The following NEDD9 variants were observed in gnomAD, a reference collection of about 807,000 sequenced individuals.
NEDD9 encodes neural precursor cell expressed, developmentally down-regulated 9, also known as enhancer of filamentation 1.
A neutral mutation model predicts 76.6 loss-of-function variants in NEDD9; 26 were observed. The ratio of observed to expected loss-of-function variants is 0.34; its 90% confidence interval spans 0.25 to 0.47. The LOEUF (loss-of-function observed/expected upper bound fraction) is 0.47. Ranked by LOEUF, NEDD9 falls within the 20% of genes least tolerant of loss-of-function variation. NEDD9 has a pLI of 1.00. For missense variants in NEDD9, 937 were observed against 1,058.5 expected (o/e 0.89, Z 1.59); for synonymous variants, 392 against 414.2 (o/e 0.95, Z 0.65).
At chr6:11,210,940 AGGGAAGG>A (rs1758771845) in intron 2 of NEDD9, among the ~76,000 whole-genome samples, 2 of 152,160 alleles carry the variant, frequency 1.3e-5, no homozygotes, top group African/African-American at 4.8e-5. Flanking sequence ...GGTATTTGGC[AGGGAAGG>A]TGCCAGGGCC....
chr6:11,251,170 G>C (rs1193158529), intron 3 of NEDD9: 1 of 152,184 alleles, frequency 6.6e-6, no homozygotes, highest in Non-Finnish European at 1.5e-5. Flanking sequence ...ACATGGAAAA[G>C]TCAATTCAAA....
chr6:11,330,942 A>G (rs933690603), intron 2 of NEDD9, among the ~76,000 whole-genome samples: 1 of 152,158 alleles, frequency 6.6e-6, no homozygotes, highest in African/African-American at 2.4e-5. Flanking sequence ...TTGTTTATCT[A>G]GTCTATTGTG....
At chr6:11,280,042 A>G (rs1371919817) in intron 3 of NEDD9, among the ~76,000 whole-genome samples, 2 of 152,142 alleles carry the variant, frequency 1.3e-5, no homozygotes, top group African/African-American at 4.8e-5. Flanking sequence ...GGGCCAGATC[A>G]TTCTTCATGG....
intron 2 of NEDD9, among the ~76,000 whole-genome samples, chr6:11,319,659 CACTA>C (rs1021169078): frequency 2.7e-5 from 4 of 146,836 alleles, no homozygotes; most frequent in African/African-American, 1.0e-4. Context: ...ACATGCCACA[CACTA>C]ACATGCACAC....
chr6:11,306,158 G>T, intron 2 of NEDD9: 1 of 837,762 alleles, frequency 1.2e-6, no homozygotes, highest in Non-Finnish European at 2.0e-6. Context: ...TACTGAATCT[G>T]AAAACAGGAG....
Position 11,241,087 on chromosome 6 carries a change from G to A in NEDD9, c.13-27360C>T, listed in dbSNP as rs1759700147. 6.6e-6 allele frequency among the ~76,000 whole-genome samples: 1 copy of A among 152,192 alleles called. No homozygotes were observed. Among genetic ancestry groups the A allele is most frequent in the Non-Finnish European group, 1.5e-5 (1 of 68,034 alleles). ...TTTCTGCTGATAGAAACTTCACACT[G>A]TGGATTTTTACAAAGGTTGAAGTGA... is the stretch of plus-strand genomic sequence containing the variant. On this transcript the variant is annotated intron_variant, in intron 3 of 3. Transcript: ENST00000397378. This position sits in a 1 kb window ranked among gnomAD's most constrained non-coding sequence, Gnocchi z 4.0.
chr6:11,255,432 T>C (rs375432350), intron 3 of NEDD9, among the ~76,000 whole-genome samples: 1 of 152,186 alleles, frequency 6.6e-6, no homozygotes, highest in South Asian at 2.1e-4. Flanking sequence ...TGAGGCATGA[T>C]CTGGTGAGGG....
chr6:11,330,328 A>G (rs1762009839), intron 2 of NEDD9, among the ~76,000 whole-genome samples: 2 of 152,136 alleles, frequency 1.3e-5, no homozygotes, highest in Admixed American at 1.3e-4. Flanking sequence ...GAAGACCTTT[A>G]ACTTGTAAAG....
intron 2 of NEDD9, among the ~76,000 whole-genome samples, chr6:11,315,673 G>A (rs1482879406): frequency 6.6e-6 from 1 of 152,092 alleles, no homozygotes. Context: ...TCACTGGAGG[G>A]GATTGGCTTA....
intron 3 of NEDD9, among the ~76,000 whole-genome samples, chr6:11,254,997 C>T (rs1409507413): frequency 6.6e-6 from 1 of 152,202 alleles, no homozygotes. Flanking sequence ...TCAAGGAGTT[C>T]AGAGCCCCAA....
intron 2 of NEDD9, among the ~76,000 whole-genome samples, chr6:11,307,226 T>C: frequency 6.6e-6 from 1 of 152,164 alleles, no homozygotes; most frequent in East Asian, 1.9e-4. Context: ...CTCCTAGAAC[T>C]CCTTTCCAAA....
chr6:11,321,416 C>T (rs545770659), intron 2 of NEDD9, among the ~76,000 whole-genome samples: 4 of 152,286 alleles, frequency 2.6e-5, no homozygotes, highest in Non-Finnish European at 4.4e-5. Flanking sequence ...TTCAAAATGC[C>T]GTGAGCCCAG....
At chr6:11,307,489 C>T (rs912065868) in intron 2 of NEDD9, among the ~76,000 whole-genome samples, 2 of 152,248 alleles carry the variant, frequency 1.3e-5, no homozygotes, top group South Asian at 2.1e-4. Context: ...AGATTTACTG[C>T]GTTTCCAGCG....
At chr6:11,200,988 C>T (rs201387283) in intron 2 of NEDD9, 1 of 1,614,218 alleles carries the variant, frequency 6.2e-7, no homozygotes, top group Non-Finnish European at 8.5e-7. Flanking sequence ...GGTTCACAAG[C>T]TGGTTTGTTT....
At chr6:11,196,192 T>C (rs9380135) in intron 2 of NEDD9, among the ~76,000 whole-genome samples, 47,417 of 151,612 alleles carry the variant, frequency 0.31, 7,657 homozygotes, top group Middle Eastern at 0.42. Context: ...TAGTCCCAGC[T>C]ACTTGGGAGG....
intron 6 of NEDD9, among the ~76,000 whole-genome samples, chr6:11,187,293 AG>A: frequency 6.6e-6 from 1 of 152,330 alleles, no homozygotes; most frequent in Non-Finnish European, 1.5e-5. Context: ...TCATCTTAAA[AG>A]GCTTGTAAAT....
chr6:11,368,784 T>C (rs899316254), intron 1 of NEDD9, among the ~76,000 whole-genome samples: 1 of 152,236 alleles, frequency 6.6e-6, no homozygotes, highest in Non-Finnish European at 1.5e-5. Flanking sequence ...CTTCTGGAAT[T>C]CTTTTTTCTG....
intron 4 of NEDD9, 126 bp from the exon 5 acceptor site, chr6:11,191,331 C>G: frequency 1.0e-6 from 1 of 962,476 alleles, no homozygotes; most frequent in Non-Finnish European, 1.5e-6. Context: ...ATGTTAGGCA[C>G]TTCCAAGGTT....
intron 1 of NEDD9, among the ~76,000 whole-genome samples, chr6:11,356,206 G>A (rs1444663810): frequency 2.0e-5 from 3 of 152,116 alleles, no homozygotes; most frequent in African/African-American, 7.2e-5. Context: ...AGAATTCCAT[G>A]ATTTTTTCTC....
Sources: gnomAD v4.1 joint callset for allele counts (sites outside exome capture counted in the v4.1 genomes callset) on GRCh38, gnomAD v4.1.1 for gene constraint, Gnocchi (gnomAD v3.1) non-coding constraint, MANE v1.5 for transcripts, NCBI Gene and HGNC (gene_info 2026-07-23, HGNC 2026-07-21) for gene names.